Variants in ADGRB3 observed in about 807,000 individuals in gnomAD.
The protein encoded by ADGRB3 is adhesion G protein-coupled receptor B3, also known as brain-specific angiogenesis inhibitor 3.
A neutral mutation model predicts 193.4 loss-of-function variants in ADGRB3; 37 were observed. The ratio of observed to expected loss-of-function variants is 0.19; its 90% CI spans 0.15 to 0.25. The LOEUF (loss-of-function observed/expected upper bound fraction) is 0.25, where lower values mean the gene tolerates loss of function less well. Among genes scored for constraint, ADGRB3 ranks in the 10% least tolerant of loss-of-function variants. ADGRB3 has a pLI of 1.00. For missense variants in ADGRB3, 1,637 were observed against 1,852.9 expected, an observed-to-expected ratio of 0.88 and a Z score of 2.14; for synonymous variants, 690 against 644.2, an observed-to-expected ratio of 1.07 and a Z score of -1.08.
chr6:69,120,241 AT>A (rs1263810046), intron 17 of ADGRB3, among the ~76,000 whole-genome samples: 6 of 152,198 alleles, frequency 3.9e-5, no homozygotes, highest in African/African-American at 1.4e-4. Context: ...GCTTATTGAA[AT>A]GTGGTCCCTG....
intron 11 of ADGRB3, among the ~76,000 whole-genome samples, chr6:69,013,069 C>G (rs1252841975): frequency 6.6e-6 from 1 of 152,080 alleles, no homozygotes; most frequent in Non-Finnish European, 1.5e-5. Flanking sequence ...TCTCAGGTCT[C>G]CTGTGACCCC....
intron 16 of ADGRB3, among the ~76,000 whole-genome samples, chr6:69,066,791 G>A (rs1025970211): frequency 1.3e-5 from 2 of 151,990 alleles, no homozygotes; most frequent in Non-Finnish European, 2.9e-5. Flanking sequence ...ACTTAAGAGT[G>A]ACATTTATAC....
At chr6:68,691,092 G>T (rs9363962) in intron 3 of ADGRB3, among the ~76,000 whole-genome samples, 4,947 of 151,958 alleles carry the variant, frequency 0.033, 152 homozygotes, top group East Asian at 0.12. Flanking sequence ...TGTTACTTCA[G>T]GACAAAAGTT....
At chr6:69,376,618 A>T (rs1769829169) in intron 30 of ADGRB3, among the ~76,000 whole-genome samples, 1 of 151,994 alleles carries the variant, frequency 6.6e-6, no homozygotes, top group Non-Finnish European at 1.5e-5. Context: ...ATTTTATATT[A>T]ACTCAATATC....
chr6:69,321,863 TCTTTTAA>T (rs1165120236), intron 20 of ADGRB3, among the ~76,000 whole-genome samples: 1 of 151,938 alleles, frequency 6.6e-6, no homozygotes, highest in Non-Finnish European at 1.5e-5. Flanking sequence ...TGTTTGATTT[TCTTTTAA>T]CTTTTAAGTT....
chr6:69,109,506 C>T, intron 17 of ADGRB3, among the ~76,000 whole-genome samples: 1 of 152,246 alleles, frequency 6.6e-6, no homozygotes, highest in East Asian at 1.9e-4. Flanking sequence ...GAAAACATGC[C>T]TTCAACTTCA....
chr6:68,694,972 T>G (rs1221859203), intron 3 of ADGRB3, among the ~76,000 whole-genome samples: 1 of 152,054 alleles, frequency 6.6e-6, no homozygotes, highest in East Asian at 1.9e-4. Flanking sequence ...TTATATCCCC[T>G]CTTACGAGGT....
intron 3 of ADGRB3, among the ~76,000 whole-genome samples, chr6:68,791,502 A>G (rs188857685): frequency 4.5e-4 from 68 of 152,224 alleles, no homozygotes; most frequent in Admixed American, 2.0e-3. Context: ...GGAAAATTCA[A>G]TTTCCTCCTG....
At chr6:69,291,299 G>A (rs1054720129) in intron 20 of ADGRB3, among the ~76,000 whole-genome samples, 26 of 152,032 alleles carry the variant, frequency 1.7e-4, no homozygotes, top group South Asian at 2.1e-4. Flanking sequence ...CTATATGACA[G>A]CCATGTATTA....
intron 10 of ADGRB3, among the ~76,000 whole-genome samples, chr6:68,981,799 T>C (rs1411665242): frequency 6.6e-6 from 1 of 151,534 alleles, no homozygotes; most frequent in Non-Finnish European, 1.5e-5. Flanking sequence ...GTTTTTAAGA[T>C]CACAACACTT....
chr6:69,210,788 T>C (rs779477), intron 17 of ADGRB3, among the ~76,000 whole-genome samples: 126,607 of 152,056 alleles, frequency 0.83, 53,327 homozygotes, highest in African/African-American at 0.96. Context: ...AGCACCCAGC[T>C]TCCCTGCCAT....
intron 20 of ADGRB3, among the ~76,000 whole-genome samples, chr6:69,324,353 C>T (rs1385049060): frequency 6.6e-6 from 1 of 152,058 alleles, no homozygotes; most frequent in African/African-American, 2.4e-5. Flanking sequence ...TTGTACTTTG[C>T]TGTTACACCT....
chr6:69,161,725 A>G (rs959075793), intron 17 of ADGRB3, among the ~76,000 whole-genome samples: 1 of 152,030 alleles, frequency 6.6e-6, no homozygotes, highest in African/African-American at 2.4e-5. Context: ...CTGGAGGAGG[A>G]TTTACTTTCA....
intron 17 of ADGRB3, among the ~76,000 whole-genome samples, chr6:69,093,954 T>C (rs1050648946): frequency 6.6e-6 from 1 of 152,328 alleles, no homozygotes; most frequent in South Asian, 2.1e-4. Context: ...CAAGGAATTA[T>C]TGTTTTTAAA....
At chr6:69,058,401 GTT>G (rs1410645656) in intron 15 of ADGRB3, among the ~76,000 whole-genome samples, 1 of 151,402 alleles carries the variant, frequency 6.6e-6, no homozygotes, top group Admixed American at 6.6e-5. Context: ...TCAACTCTTA[GTT>G]TTGTTGATTT....
chr6:69,217,939 TGAG>T (rs750916982), intron 17 of ADGRB3, among the ~76,000 whole-genome samples: 1 of 152,024 alleles, frequency 6.6e-6, no homozygotes, highest in Non-Finnish European at 1.5e-5. Flanking sequence ...ATACAGGTGA[TGAG>T]GAGCTCGCCT....
At chr6:69,018,332 A>G (rs535747016) in intron 12 of ADGRB3, 59 bp from the exon 13 acceptor site, 125 of 1,079,242 alleles carry the variant, frequency 1.2e-4, no homozygotes, top group Non-Finnish European at 1.6e-4. Context: ...AAATTCAGTT[A>G]TATATGCCAT....
At chr6:69,262,602 T>C (rs1243006781) in intron 20 of ADGRB3, among the ~76,000 whole-genome samples, 1 of 152,004 alleles carries the variant, frequency 6.6e-6, no homozygotes, top group Non-Finnish European at 1.5e-5. Context: ...TCAAGCATGA[T>C]ACAATAATTC....
intron 20 of ADGRB3, among the ~76,000 whole-genome samples, chr6:69,298,278 C>G (rs935173286): frequency 1.3e-5 from 2 of 151,986 alleles, no homozygotes; most frequent in Admixed American, 1.3e-4. Flanking sequence ...GTCTTGCTAA[C>G]TGATAGACTC....
Sources: gnomAD v4.1 joint callset for allele counts (sites outside exome capture counted in the v4.1 genomes callset) on GRCh38, gnomAD v4.1.1 for gene constraint, MANE v1.5 for transcripts, NCBI Gene and HGNC (gene_info 2026-07-23, HGNC 2026-07-21) for gene names.